Variants in FBN2 observed in about 807,000 individuals in gnomAD.
The protein encoded by FBN2 is fibrillin 2.
Under a neutral mutation model 355.6 loss-of-function variants are expected in FBN2, and 105 were observed. The ratio of observed to expected loss-of-function variants is 0.30; its 90% CI spans 0.25 to 0.35. The LOEUF (loss-of-function observed/expected upper bound fraction) is 0.35, where lower values mean the gene tolerates loss of function less well. Ranked by LOEUF, FBN2 falls within the 10% of genes least tolerant of loss-of-function variation. FBN2 has a pLI of 1.00. For synonymous variants in FBN2, 1,350 were observed against 1,301.2 expected (o/e 1.04, Z -0.81); for missense variants, 3,280 against 3,758.7 (o/e 0.87, Z 3.33).
chr5:128,418,248 C>G (rs1407541157), intron 7 of FBN2, among the ~76,000 whole-genome samples: 1 of 152,012 alleles, frequency 6.6e-6, no homozygotes, highest in Non-Finnish European at 1.5e-5. Flanking sequence ...TTATTGATTA[C>G]TCTAACTAGT....
At chr5:128,419,660 T>A (rs890722621) in intron 7 of FBN2, among the ~76,000 whole-genome samples, 4 of 152,180 alleles carry the variant, frequency 2.6e-5, no homozygotes, top group Non-Finnish European at 4.4e-5. Flanking sequence ...CAATCTGGCA[T>A]TCCTGAGATA....
chr5:128,457,909 G>A (rs1485815621), intron 6 of FBN2, among the ~76,000 whole-genome samples: 1 of 151,556 alleles, frequency 6.6e-6, no homozygotes. Flanking sequence ...ATGAACTAGT[G>A]TGCAAAATAA....
At chr5:128,392,381 C>T (rs1004865359) in intron 10 of FBN2, among the ~76,000 whole-genome samples, 16 of 152,172 alleles carry the variant, frequency 1.1e-4, no homozygotes, top group African/African-American at 3.4e-4. Context: ...TGCCCTTAAT[C>T]ATGTCTTTTT....
intron 6 of FBN2, among the ~76,000 whole-genome samples, chr5:128,458,074 G>A (rs969053150): frequency 5.3e-5 from 8 of 152,002 alleles, no homozygotes; most frequent in Admixed American, 2.6e-4. Flanking sequence ...AAGGAAACCC[G>A]TCTTACATGC....
intron 5 of FBN2, among the ~76,000 whole-genome samples, chr5:128,475,972 G>A (rs980915960): frequency 6.6e-6 from 1 of 152,136 alleles, no homozygotes; most frequent in African/African-American, 2.4e-5. Flanking sequence ...ATGAAGACTC[G>A]CTAGTAAATT....
At chr5:128,467,464 AC>A (rs1296575046) in intron 5 of FBN2, among the ~76,000 whole-genome samples, 1 of 152,186 alleles carries the variant, frequency 6.6e-6, no homozygotes, top group African/African-American at 2.4e-5. Context: ...AAGAACAAAT[AC>A]TAGATATTGT....
intron 6 of FBN2, among the ~76,000 whole-genome samples, chr5:128,453,471 T>A (rs1754309140): frequency 6.6e-6 from 1 of 152,168 alleles, no homozygotes; most frequent in South Asian, 2.1e-4. Context: ...ACTCTGGCCT[T>A]CCTATAACTG....
At chr5:128,310,381 TA>T (rs1750004562) in intron 39 of FBN2, among the ~76,000 whole-genome samples, 4 of 12,132 alleles carry the variant, frequency 3.3e-4, no homozygotes, top group African/African-American at 1.4e-3. Flanking sequence ...TATATATATA[TA>T]TATATATATA....
chr5:128,450,777 A>G (rs79505867), intron 6 of FBN2, among the ~76,000 whole-genome samples: 3,172 of 152,224 alleles, frequency 0.021, 48 homozygotes, highest in Non-Finnish European at 0.032. Context: ...TTTATAATAA[A>G]CACTGTATAT....
intron 53 of FBN2, among the ~76,000 whole-genome samples, chr5:128,287,813 G>A (rs959881738): frequency 6.6e-6 from 1 of 152,154 alleles, no homozygotes; most frequent in African/African-American, 2.4e-5. Flanking sequence ...AGGAAGGAGG[G>A]GAGGGAATCT....
chr5:128,347,974 G>GT (rs988596176), intron 23 of FBN2, among the ~76,000 whole-genome samples: 14 of 151,466 alleles, frequency 9.2e-5, no homozygotes, highest in Middle Eastern at 3.4e-3. Context: ...AGACGGGGAG[G>GT]GGGGGGTTCC....
intron 48 of FBN2, among the ~76,000 whole-genome samples, chr5:128,296,359 G>A (rs1470176890): frequency 5.9e-5 from 9 of 152,160 alleles, no homozygotes; most frequent in Non-Finnish European, 1.2e-4. Context: ...CATAACATGA[G>A]TTAGGGAGGA....
chr5:128,330,837 G>A, intron 32 of FBN2, 142 bp from the exon 33 acceptor site: 1 of 938,910 alleles, frequency 1.1e-6, no homozygotes. Flanking sequence ...AATTCGCTAA[G>A]CTCTCAGACC....
Position 128,294,107 on chromosome 5 carries a change from G to A in FBN2, c.6167-2453C>T, listed in dbSNP as rs867022812. On this transcript the variant is annotated intron_variant, in intron 48 of 64. Transcript: ENST00000262464. ...GCGGTGTTTGGTTTTTTGTTCTTGC[G>A]ATAGTTTACTGAGAATGATGATTTC... Among the ~76,000 whole-genome samples, 214 of 152,012 alleles carry A rather than the reference G, an allele frequency of 1.4e-3. 2 individuals carry two copies. Among genetic ancestry groups the A allele is most frequent in the South Asian group, 9.1e-3 (44 of 4,814 alleles).
chr5:128,537,173 T>G (rs1373707975), intron 1 of FBN2, among the ~76,000 whole-genome samples, 177 bp downstream of exon 1: 1 of 150,876 alleles, frequency 6.6e-6, no homozygotes, highest in Non-Finnish European at 1.5e-5. Context: ...AGCTGCGGGG[T>G]TGGGAAGGAA....
At position 128,438,386 on chromosome 5, in the gene FBN2, T is replaced by C. The variant is rs145689156; in HGVS notation, c.952+8095A>G. ...TCTTTGATCTGTCCCTTAATGTCTG[T>C]TTTACTTTTACTTCAAGTCACTAAA... is the stretch of plus-strand genomic sequence containing the variant. On this transcript the variant is annotated intron_variant, in intron 7 of 64. Transcript: ENST00000262464. Among the ~76,000 whole-genome samples the C allele has an allele frequency of 6.4e-3, 978 of 152,366 alleles. 11 individuals carry two copies. Among genetic ancestry groups the C allele is most frequent in the African/African-American group, 0.022 (917 of 41,586 alleles).
intron 23 of FBN2, among the ~76,000 whole-genome samples, chr5:128,349,049 C>T (rs1751270982): frequency 6.6e-6 from 1 of 152,198 alleles, no homozygotes. Context: ...CTGTGTTCAA[C>T]ATATTCTTAC....
At chr5:128,479,958 CTCTCTCTCTCTCTCTCTCTATATA>C (rs1755112937) in intron 5 of FBN2, among the ~76,000 whole-genome samples, 3 of 36,270 alleles carry the variant, frequency 8.3e-5, no homozygotes, top group Non-Finnish European at 1.1e-4. Flanking sequence ...CTCTCTCTCT[CTCTCTCTCTCTCTCTCTCTATATA>C]TATATATATA....
At chr5:128,277,847 C>G in intron 58 of FBN2, 33 bp downstream of exon 58, 1 of 1,613,654 alleles carries the variant, frequency 6.2e-7, no homozygotes. Context: ...GATTAGCCCC[C>G]AAACCCCTGG....
Sources: gnomAD v4.1 joint callset for allele counts (sites outside exome capture counted in the v4.1 genomes callset) on GRCh38, gnomAD v4.1.1 for gene constraint, MANE v1.5 for transcripts, NCBI Gene and HGNC (gene_info 2026-07-23, HGNC 2026-07-21) for gene names.